DUSP4: variants seen among roughly 807,000 people sequenced by gnomAD.
DUSP4 encodes dual specificity phosphatase 4, also known as dual specificity protein phosphatase 4.
In DUSP4, 12 loss-of-function variants were observed where a neutral mutation model predicts 27.2. That is an observed-to-expected ratio of 0.44 (90% confidence interval 0.28 to 0.71). The LOEUF is 0.71. Ranked by LOEUF, DUSP4 falls within the 30% of genes least tolerant of loss-of-function variation. The probability of loss-of-function intolerance (pLI) is 0.14; values close to 1 mark genes in which losing one functional copy is unlikely to be tolerated. For missense variants in DUSP4, 448 were observed against 551.3 expected (o/e 0.81, Z 1.88); for synonymous variants, 257 against 245.2 (o/e 1.05, Z -0.45).
chr8:29,339,933 G>A (rs548368769), intron 2 of DUSP4, among the ~76,000 whole-genome samples, 165 bp downstream of exon 2: 23 of 151,842 alleles, frequency 1.5e-4, no homozygotes, highest in African/African-American at 5.1e-4. Flanking sequence ...CCAGGAGTTC[G>A]AGGCTGCAGT....
rs113849614 is a variant in DUSP4 at position 29,345,738 on chromosome 8, G to A, written c.433+4108C>T. The stretch of plus-strand genomic sequence containing the variant: ...AGGATAAGCCCAAGGAAGTTGTGAC[G>A]GTCTAAAGGGTCAAATTTCACTCTC... On this transcript the variant is annotated intron_variant, in intron 1 of 3. Coordinates refer to ENST00000240100, the MANE Select transcript of DUSP4 (RefSeq NM_001394.7). 380 of 1,331,394 alleles carry A rather than the reference G, an allele frequency of 2.9e-4. 3 individuals carry two copies. The African/African-American group carries it at 4.8e-3, about 17-fold the overall frequency. The allele number at this position is 1,331,394 out of a possible 1,614,324, so 82.5% of individuals were successfully genotyped here.
At chr8:29,345,594 T>C (rs1246459394) in intron 1 of DUSP4, 3 of 1,502,126 alleles carry the variant, frequency 2.0e-6, no homozygotes, top group Non-Finnish European at 2.6e-6. Flanking sequence ...TGGTTTCAGA[T>C]GTTCTGATTT....
At position 29,349,961 on chromosome 8, in the gene DUSP4, G is replaced by A. The variant is rs777696642; in HGVS notation, c.318C>T (p.Ile106=). ...RLRSGLYSAV[I]VYDERSPRAE... ...CGCGCGGGCTGCGCTCGTCGTAGAC[G>A]ATGACCGCCGAGTAGAGGCCGGAGC... Residue 106 remains isoleucine (I), a synonymous_variant, in exon 1 of 4, where the codon ATC becomes ATT. Transcript: ENST00000240100. The A allele has an allele frequency of 6.9e-6, 11 of 1,588,522 alleles. No homozygotes were observed. The highest frequency in any genetic ancestry group is 1.7e-4 in the Middle Eastern group (1 of 6,030).
In DUSP4 at chr8:29,345,581, C is replaced by T. The variant is rs753923533; in HGVS notation, c.433+4265G>A. The T allele has an allele frequency of 3.0e-5, 45 of 1,518,222 alleles. No homozygotes were observed. In the African/African-American group the frequency reaches 5.3e-4, roughly 18 times the overall value. The allele number at this position is 1,518,222 out of a possible 1,614,324, so 94.0% of individuals were successfully genotyped here. A position where few individuals can be genotyped will look rare whatever the true frequency, so the allele number is the denominator to read the frequency against. On this transcript the variant is annotated intron_variant, in intron 1 of 3. Coordinates refer to ENST00000240100, the MANE Select transcript of DUSP4 (RefSeq NM_001394.7). ...CTGCCTCCCGGTAAGGAAATCGGCT[C>T]TCTGGTTTCAGATGTTCTGATTTTT...
chr8:29,350,053 G>A lies in DUSP4; in HGVS notation c.226C>T (p.Arg76Trp). 1 of 1,597,464 alleles carries A rather than the reference G, an allele frequency of 6.3e-7. No homozygotes were observed. The highest frequency in any genetic ancestry group is 8.5e-7 in the Non-Finnish European group (1 of 1,173,702). Reference sequence around the variant, plus strand: ...TCCAGGCTCACGGAGCCCTTAGCCCGCCGCCGCACGATGGTGTTACAGCGC... The same window carrying A: ...TCCAGGCTCACGGAGCCCTTAGCCCACCGCCGCACGATGGTGTTACAGCGC... ...NVRCNTIVRR[R>W]AKGSVSLEQI... Residue 76 changes from arginine to tryptophan, a missense_variant, in exon 1 of 4, where the codon CGG (arginine) becomes TGG (tryptophan). Transcript: ENST00000240100.
intron 1 of DUSP4, among the ~76,000 whole-genome samples, chr8:29,343,687 C>T (rs1817687701): frequency 6.6e-6 from 1 of 152,164 alleles, no homozygotes; most frequent in African/African-American, 2.4e-5. Context: ...CTAATCCAGG[C>T]TGTCATTAAA....
chr8:29,346,873 C>T (rs1249239084), intron 1 of DUSP4, among the ~76,000 whole-genome samples: 3 of 152,172 alleles, frequency 2.0e-5, no homozygotes, highest in Admixed American at 6.5e-5. Flanking sequence ...AATTAGATAG[C>T]TTTGGCTGGA....
intron 1 of DUSP4, among the ~76,000 whole-genome samples, chr8:29,343,141 C>G (rs1235532379): frequency 7.6e-6 from 1 of 132,092 alleles, no homozygotes; most frequent in African/African-American, 3.0e-5. Context: ...GCATTCCAGC[C>G]TGGGCGTCAG....
Position 29,345,102 on chromosome 8 carries a change from T to G in DUSP4, c.433+4744A>C, listed in dbSNP as rs543102322. On this transcript the variant is annotated intron_variant, in intron 1 of 3. Coordinates refer to ENST00000240100, the MANE Select transcript of DUSP4 (RefSeq NM_001394.7). ...TCTCTCAAAGTGCTAGGATTGCAGGTGTGAGCCACCACACCCGGCCTTGGT... is the reference window on the plus strand; with the variant it reads ...TCTCTCAAAGTGCTAGGATTGCAGGGGTGAGCCACCACACCCGGCCTTGGT... Among the ~76,000 whole-genome samples, 4 of 152,308 alleles carry G rather than the reference T, an allele frequency of 2.6e-5. No homozygotes were observed. The East Asian group carries it at 7.7e-4, about 29-fold the overall frequency.
rs1817583671 is a variant in DUSP4 at position 29,337,042 on chromosome 8, G to A, written c.1169C>T (p.Thr390Ile). 1 of 1,602,568 alleles carries A rather than the reference G, an allele frequency of 6.2e-7. No individual in the cohort carries two copies. Among genetic ancestry groups the A allele is most frequent in the East Asian group, 2.2e-5 (1 of 44,556 alleles). ...AGGGCGGCTCTAACAGCTGGGAGAG[G>A]TGGTGATGGGGCTGTGCAGGTAGGG... ...SLPYLHSPIT[T>I]SPSC The change falls in exon 4 of 4, where the codon ACC (threonine) becomes ATC (isoleucine). Residue 390 changes from threonine (T) to isoleucine (I), a missense_variant. Coordinates refer to ENST00000240100, the MANE Select transcript of DUSP4 (RefSeq NM_001394.7). The surrounding 1 kb of genome is among the most constrained non-coding windows in gnomAD (Gnocchi z 6.4).
At position 29,337,382 on chromosome 8, in the gene DUSP4, G is replaced by C; in HGVS notation, c.829C>G (p.Leu277Val). Reference sequence around the variant, plus strand: ...GAGATGCCCGCCTGGCAGTGCACCAGCACGCGCCCACGGCAGTCCTTCACG... The same window carrying C: ...GAGATGCCCGCCTGGCAGTGCACCACCACGCGCCCACGGCAGTCCTTCACG... ...DAVKDCRGRV[L>V]VHCQAGISRS... The change falls in exon 4 of 4, where the codon CTG (leucine) becomes GTG (valine). Residue 277 changes from leucine (L) to valine (V), a missense_variant. This residue lies in a region of DUSP4 where 345 missense variants were observed against 394.0 expected (regional missense o/e 0.88). Transcript: ENST00000240100. The surrounding 1 kb of genome is among the most constrained non-coding windows in gnomAD (Gnocchi z 6.4). The C allele has an allele frequency of 6.2e-7, 1 of 1,609,060 alleles. No individual in the cohort carries two copies. The highest frequency in any genetic ancestry group is 8.5e-7 in the Non-Finnish European group (1 of 1,179,716).
At chr8:29,340,501 CA>C (rs1817643340) in intron 1 of DUSP4, among the ~76,000 whole-genome samples, 1 of 152,138 alleles carries the variant, frequency 6.6e-6, no homozygotes, top group East Asian at 1.9e-4. Context: ...GAGAGGTAGA[CA>C]TACAAAGGAA....
In DUSP4 at chr8:29,350,607, C is replaced by G; in HGVS notation, c.-329G>C. 1 of 299,336 alleles carries G rather than the reference C, an allele frequency of 3.3e-6. No homozygotes were observed. Among genetic ancestry groups the G allele is most frequent in the Admixed American group, 5.1e-5 (1 of 19,786 alleles). 18.5% of individuals were successfully genotyped at this position (299,336 alleles called of 1,614,324 possible). On this transcript the variant is annotated 5_prime_UTR_variant, in exon 1 of 4. Transcript: ENST00000240100. ...CGGCCTCCCGTGTATTTTTGCCGGT[C>G]GCGCGGCTCCTGTCGCCACTGGCGC... is the stretch of plus-strand genomic sequence containing the variant.
At chr8:29,348,834 C>A in intron 1 of DUSP4, 1 of 984,288 alleles carries the variant, frequency 1.0e-6, no homozygotes, top group African/African-American at 1.7e-5. Context: ...CAGACCCTAC[C>A]CGCGCGGAAG....
rs1334129254 is a variant in DUSP4, at chr8:29,336,963, C to T, written c.*63G>A. 4.1e-6 allele frequency: 6 copies of T among 1,462,870 alleles called. No individual in the cohort carries two copies. The African/African-American group carries it at 4.3e-5, about 10-fold the overall frequency. 90.6% of individuals were successfully genotyped at this position (1,462,870 alleles called of 1,614,324 possible). A position where few individuals can be genotyped will look rare whatever the true frequency, so the allele number is the denominator to read the frequency against. On this transcript the variant is annotated 3_prime_UTR_variant, in exon 4 of 4. Transcript: ENST00000240100. ...AGCTGCTCAGTCCCAACTTTCTGCC[C>T]GCATGCGGCCCGTCCTACCCTTGCT...
rs1041532580 is a variant in DUSP4 at position 29,350,583 on chromosome 8, G to C, written c.-305C>G. 1.7e-5 allele frequency: 6 copies of C among 349,144 alleles called. No homozygotes were observed. Among genetic ancestry groups the C allele is most frequent in the Non-Finnish European group, 3.1e-5 (6 of 194,730 alleles). The allele number at this position is 349,144 out of a possible 1,614,324, so 21.6% of individuals were successfully genotyped here. On this transcript the variant is annotated 5_prime_UTR_variant, in exon 1 of 4. Coordinates refer to ENST00000240100, the MANE Select transcript of DUSP4 (RefSeq NM_001394.7). ...AGGACCGCGGACTCTTTTCGGCGAC[G>C]GCCTCCCGTGTATTTTTGCCGGTCG...
In DUSP4 at chr8:29,350,504, C is replaced by G. The variant is rs1817807862; in HGVS notation, c.-226G>C. On this transcript the variant is annotated 5_prime_UTR_variant, in exon 1 of 4. Transcript: ENST00000240100. ...GAGCGGCCTCGGGCGCCCAGCCGGG[C>G]GGCGCGCAGAGCGGAGGGGGAGGCG... The G allele has an allele frequency of 1.3e-5, 7 of 554,114 alleles. No individual in the cohort carries two copies. In the East Asian group the frequency reaches 1.9e-4, roughly 15 times the overall value. The allele number at this position is 554,114 out of a possible 1,614,324, so 34.3% of individuals were successfully genotyped here.
chr8:29,347,457 T>C (rs1817752147), intron 1 of DUSP4, among the ~76,000 whole-genome samples: 1 of 152,218 alleles, frequency 6.6e-6, no homozygotes, highest in Non-Finnish European at 1.5e-5. Flanking sequence ...CCAGTTAACC[T>C]CAACGATGTT....
chr8:29,340,186 A>G lies in DUSP4; in HGVS notation c.491T>C (p.Leu164Pro), dbSNP rs1394697865. ...YPEFCSKTKA[L>P]AAIPPPVPPS... is the part of the protein sequence containing the mutation. ...GGGAACCGGGGGTGGGATGGCTGCC[A>G]GGGCCTTGGTTTTAGAACAGAATTC... is the stretch of plus-strand genomic sequence containing the variant. The change falls in exon 2 of 4, where the codon CTG becomes CCG. Residue 164 changes from leucine to proline, a missense_variant. Leu to Pro is a moderately conservative substitution (Grantham distance 98). Around this residue, in one of 3 missense-constraint regions of DUSP4, gnomAD observed 345 missense variants for 394.0 expected, o/e 0.88. Transcript: ENST00000240100. The G allele has an allele frequency of 1.2e-6, 2 of 1,613,434 alleles. No individual in the cohort carries two copies. The highest frequency in any genetic ancestry group is 8.5e-7 in the Non-Finnish European group (1 of 1,179,772).
Sources: gnomAD v4.1 joint callset for allele counts (sites outside exome capture counted in the v4.1 genomes callset) on GRCh38, gnomAD v4.1.1 for gene constraint, gnomAD v4.1.1 regional missense constraint, Gnocchi (gnomAD v3.1) non-coding constraint, MANE v1.5 for transcripts, NCBI Gene and HGNC (gene_info 2026-07-23, HGNC 2026-07-21) for gene names.